The following AGBL4 variants were observed in gnomAD, a reference collection of about 807,000 sequenced individuals.
AGBL4 encodes AGBL carboxypeptidase 4, also known as cytosolic carboxypeptidase 6.
Under a neutral mutation model 66.4 loss-of-function variants are expected in AGBL4, and 58 were observed. The observed-to-expected ratio is 0.87, with a 90% CI of 0.71 to 1.09. AGBL4 has a LOEUF of 1.09. AGBL4 is among the 50% of genes least tolerant of loss of function. AGBL4 has a pLI of 0.00. For missense variants in AGBL4, 579 were observed against 631.0 expected (o/e 0.92, Z 0.88); for synonymous variants, 234 against 222.9 (o/e 1.05, Z -0.44).
intron 3 of AGBL4, among the ~76,000 whole-genome samples, chr1:49,397,592 T>C (rs1193476394): frequency 1.3e-5 from 2 of 152,108 alleles, no homozygotes; most frequent in Non-Finnish European, 2.9e-5. Context: ...CAGAAGAGTA[T>C]TTAGGTAAAA....
chr1:49,047,708 C>T (rs1571319554), intron 4 of AGBL4, among the ~76,000 whole-genome samples: 1 of 152,056 alleles, frequency 6.6e-6, no homozygotes, highest in East Asian at 1.9e-4. Flanking sequence ...GAGGGTCAGG[C>T]CTCAGTTCAT....
chr1:49,492,494 T>C (rs1647212402), intron 3 of AGBL4, among the ~76,000 whole-genome samples: 1 of 152,154 alleles, frequency 6.6e-6, no homozygotes, highest in Non-Finnish European at 1.5e-5. Flanking sequence ...GGGGGACTAC[T>C]GTATTGCTTT....
chr1:48,531,520 T>A (rs916315055), downstream of AGBL4, among the ~76,000 whole-genome samples: 6 of 152,124 alleles, frequency 3.9e-5, no homozygotes, highest in Non-Finnish European at 7.4e-5. Flanking sequence ...TTCATGGTCT[T>A]CCAAAGGAAC....
At chr1:48,709,605 T>TATTATTATTATTATC (rs1646933022) in intron 6 of AGBL4, among the ~76,000 whole-genome samples, 1 of 148,678 alleles carries the variant, frequency 6.7e-6, no homozygotes. Context: ...TTATTATTAT[T>TATTATTATTATTATC]ATTATTATTA....
intron 6 of AGBL4, among the ~76,000 whole-genome samples, chr1:48,747,754 C>T (rs1292268996): frequency 2.0e-5 from 3 of 152,142 alleles, no homozygotes; most frequent in Admixed American, 6.6e-5. Flanking sequence ...CTTGTTGTAT[C>T]GTAAACTGGA....
intron 3 of AGBL4, among the ~76,000 whole-genome samples, chr1:49,409,149 G>GCTCTCTCTCTCTCTCTCTCTCT (rs373757168): frequency 6.9e-6 from 1 of 145,976 alleles, no homozygotes; most frequent in South Asian, 2.2e-4. Flanking sequence ...ACTCTCTCTG[G>GCTCTCTCTCTCTCTCTCTCTCT]CTCTCTCTCT....
At position 49,714,569 on chromosome 1, in the gene AGBL4, C is replaced by CATATAT. The variant is rs60965691; in HGVS notation, c.158-17138_158-17133dup. Among the ~76,000 whole-genome samples the CATATAT allele has an allele frequency of 4.4e-3, 618 of 141,828 alleles. 6 individuals carry two copies. The highest frequency in any genetic ancestry group is 0.015 in the African/African-American group (544 of 36,990). 93.0% of individuals were successfully genotyped at this position (141,828 alleles called of 152,430 possible). ...GTTTGTTATAGTTGAGTAGTATTTA[C>CATATAT]ATATATATATATATATATATATATA... On this transcript the variant is annotated intron_variant, in intron 2 of 13. Coordinates refer to ENST00000371839, the MANE Select transcript of AGBL4 (RefSeq NM_032785.4).
At chr1:49,604,673 A>G (rs569643166) in intron 3 of AGBL4, among the ~76,000 whole-genome samples, 1 of 152,258 alleles carries the variant, frequency 6.6e-6, no homozygotes, top group African/African-American at 2.4e-5. Flanking sequence ...TACAAAATAT[A>G]TGTAAGAGTT....
At chr1:48,936,024 A>C (rs1655438741) in intron 5 of AGBL4, among the ~76,000 whole-genome samples, 1 of 134,770 alleles carries the variant, frequency 7.4e-6, no homozygotes, top group African/African-American at 2.7e-5. Context: ...GTGGTGGCTC[A>C]TGGCTGTAAT....
intron 3 of AGBL4, among the ~76,000 whole-genome samples, chr1:49,389,902 A>G (rs1644812131): frequency 1.3e-5 from 2 of 152,212 alleles, no homozygotes; most frequent in Admixed American, 1.3e-4. Flanking sequence ...AATCCAATTG[A>G]GGATTCTGAT....
intron 1 of AGBL4, among the ~76,000 whole-genome samples, chr1:49,985,897 T>C (rs1659463060): frequency 6.6e-6 from 1 of 152,000 alleles, no homozygotes; most frequent in Admixed American, 6.6e-5. Context: ...GGGTAAATAA[T>C]TTTCCCCAAA....
chr1:49,253,797 A>T (rs1570227430), intron 3 of AGBL4, among the ~76,000 whole-genome samples: 1 of 152,148 alleles, frequency 6.6e-6, no homozygotes, highest in Non-Finnish European at 1.5e-5. Flanking sequence ...ATCCAGGAGC[A>T]CATCAAAAAG....
At chr1:48,978,711 C>T (rs192523967) in intron 5 of AGBL4, among the ~76,000 whole-genome samples, 1 of 152,106 alleles carries the variant, frequency 6.6e-6, no homozygotes, top group Non-Finnish European at 1.5e-5. Flanking sequence ...ATACTAAGCC[C>T]TTTTGTTGAA....
intron 3 of AGBL4, among the ~76,000 whole-genome samples, chr1:49,278,916 G>C (rs1437104002): frequency 6.6e-6 from 1 of 152,180 alleles, no homozygotes; most frequent in Non-Finnish European, 1.5e-5. Flanking sequence ...ATGTTTAGCT[G>C]AGACATTTTT....
At chr1:49,633,964 A>C (rs1645621358) in intron 3 of AGBL4, among the ~76,000 whole-genome samples, 1 of 146,482 alleles carries the variant, frequency 6.8e-6, no homozygotes, top group South Asian at 2.1e-4. Flanking sequence ...ATTTTTTTTC[A>C]TAATATTTTA....
intron 5 of AGBL4, among the ~76,000 whole-genome samples, chr1:49,043,107 T>C (rs766863170): frequency 2.0e-5 from 3 of 152,202 alleles, no homozygotes; most frequent in Non-Finnish European, 2.9e-5. Context: ...CTCAGAATTT[T>C]TCTGACAATT....
At chr1:49,947,972 A>G in intron 1 of AGBL4, among the ~76,000 whole-genome samples, 1 of 74,426 alleles carries the variant, frequency 1.3e-5, no homozygotes, top group Non-Finnish European at 2.8e-5. Context: ...AAATATATAT[A>G]TTTATAAATA....
intron 3 of AGBL4, among the ~76,000 whole-genome samples, chr1:49,323,615 G>C (rs894404399): frequency 1.3e-5 from 2 of 151,844 alleles, no homozygotes; most frequent in Admixed American, 1.3e-4. Flanking sequence ...TTCTCCTGCT[G>C]TTTCCATCAC....
At chr1:49,799,572 G>T (rs892679716) in intron 2 of AGBL4, among the ~76,000 whole-genome samples, 3 of 152,058 alleles carry the variant, frequency 2.0e-5, no homozygotes, top group African/African-American at 7.2e-5. Flanking sequence ...GGGAAGAAAG[G>T]ATAGTAGAAA....
Sources: allele counts gnomAD v4.1 joint callset (sites outside exome capture counted in the v4.1 genomes callset), GRCh38; gene constraint gnomAD v4.1.1; transcripts MANE v1.5; gene names NCBI Gene and HGNC (gene_info 2026-07-23, HGNC 2026-07-21).